The following ASNS variants were observed in gnomAD, a reference collection of about 807,000 sequenced individuals.
ASNS encodes asparagine synthetase (glutamine-hydrolyzing).
A neutral mutation model predicts 62.6 loss-of-function variants in ASNS; 37 were observed. The ratio of observed to expected loss-of-function variants is 0.59; its 90% CI spans 0.45 to 0.78. ASNS has a LOEUF of 0.78. Ranked by LOEUF, ASNS falls within the 30% of genes least tolerant of loss-of-function variation. The probability of loss-of-function intolerance (pLI) is 0.00; values close to 1 mark genes in which losing one functional copy is unlikely to be tolerated. For missense variants in ASNS, 520 were observed against 682.4 expected (o/e 0.76, Z 2.65); for synonymous variants, 207 against 237.9 (o/e 0.87, Z 1.19).
intron 4 of ASNS, among the ~76,000 whole-genome samples, chr7:97,862,339 GA>G (rs1396096024): frequency 6.6e-6 from 1 of 152,150 alleles, no homozygotes; most frequent in Non-Finnish European, 1.5e-5. Flanking sequence ...ACTGCTAGGT[GA>G]AAGAAGCCAG....
chr7:97,882,435 C>G, the ASNS span, among the ~76,000 whole-genome samples: 1 of 151,924 alleles, frequency 6.6e-6, no homozygotes, highest in African/African-American at 2.4e-5. Context: ...GTAAGCCCAG[C>G]TACTCGGGAG....
chr7:97,869,060 G>A lies in ASNS; in HGVS notation c.97C>T (p.Arg33Cys), dbSNP rs759224338. The A allele has an allele frequency of 4.3e-6, 7 of 1,614,162 alleles. No homozygotes were observed. Among genetic ancestry groups the A allele is most frequent in the South Asian group, 2.2e-5 (2 of 91,082 alleles). The part of the protein sequence containing the change: ...KIAHRGPDAF[R>C]FENVNGYTNC... ...GTGTATCCATTGACATTCTCAAAAC[G>A]GAATGCATCTGGACCTCTGTGTGCA... Residue 33 changes from arginine (R) to cysteine (C), a missense_variant, in exon 3 of 13, where the codon CGT becomes TGT. Coordinates refer to ENST00000394308, the MANE Select transcript of ASNS (RefSeq NM_001673.5).
chr7:97,856,941 A>G, intron 7 of ASNS, 125 bp from the exon 8 acceptor site: 1 of 1,062,550 alleles, frequency 9.4e-7, no homozygotes, highest in Non-Finnish European at 1.4e-6. Context: ...AGGGAAAAAA[A>G]GAAAAATGAC....
the ASNS span, among the ~76,000 whole-genome samples, chr7:97,920,660 G>A: frequency 6.6e-6 from 1 of 152,256 alleles, no homozygotes; most frequent in Admixed American, 6.5e-5. Flanking sequence ...CTGGCAGTCA[G>A]GAGGACTGTC....
At chr7:97,910,386 C>T in the ASNS span, among the ~76,000 whole-genome samples, 1 of 152,204 alleles carries the variant, frequency 6.6e-6, no homozygotes, top group Non-Finnish European at 1.5e-5. Flanking sequence ...TCCCAGGCAT[C>T]ATGAGGACAC....
At chr7:97,901,765 G>T in the ASNS span, among the ~76,000 whole-genome samples, 1 of 151,910 alleles carries the variant, frequency 6.6e-6, no homozygotes, top group South Asian at 2.1e-4. Context: ...ATCACTTGAG[G>T]CCAGGAGTTT....
the ASNS span, among the ~76,000 whole-genome samples, chr7:97,911,125 C>T: frequency 6.6e-6 from 1 of 152,022 alleles, no homozygotes; most frequent in Non-Finnish European, 1.5e-5. Context: ...TAAAAACTGC[C>T]CTCATGTTTT....
chr7:97,886,442 T>C, the ASNS span, among the ~76,000 whole-genome samples: 1 of 152,126 alleles, frequency 6.6e-6, no homozygotes, highest in East Asian at 1.9e-4. Context: ...CCACTGCGCC[T>C]GGCCTATATG....
At chr7:97,918,459 C>T in the ASNS span, among the ~76,000 whole-genome samples, 3 of 152,150 alleles carry the variant, frequency 2.0e-5, no homozygotes, top group South Asian at 2.1e-4. Flanking sequence ...GCTGGTTAAA[C>T]GAAGCGTGGT....
At chr7:97,870,041 C>T (rs1792177677) in intron 1 of ASNS, 1 of 256,268 alleles carries the variant, frequency 3.9e-6, no homozygotes, top group Non-Finnish European at 7.4e-6. Context: ...TAGCTCATCC[C>T]TATAAGCCCG....
upstream of ASNS, among the ~76,000 whole-genome samples, chr7:97,873,383 T>C (rs1792366810): frequency 6.6e-6 from 1 of 152,210 alleles, no homozygotes; most frequent in South Asian, 2.1e-4. Context: ...GCATGCAGGT[T>C]TGATATCCCC....
the ASNS span, among the ~76,000 whole-genome samples, chr7:97,911,865 G>A: frequency 6.6e-6 from 1 of 152,058 alleles, no homozygotes; most frequent in African/African-American, 2.4e-5. Context: ...TGGAAGATGA[G>A]TCATGCCTTC....
chr7:97,855,316 A>C (rs1463852097), intron 9 of ASNS, 37 bp downstream of exon 9: 1 of 1,376,754 alleles, frequency 7.3e-7, no homozygotes, highest in Non-Finnish European at 1.0e-6. Context: ...ACTTTTCTTA[A>C]TATAGCATGA....
Position 97,859,258 on chromosome 7 carries a change from C to A in ASNS, c.628G>T (p.Val210Leu). 6.2e-7 allele frequency: 1 copy of A among 1,614,048 alleles called. No homozygotes were observed. The highest frequency in any genetic ancestry group is 8.5e-7 in the Non-Finnish European group (1 of 1,179,976). ...EMVKYHHCRD[V>L]PLHALYDNVE... is the part of the protein sequence containing the mutation. ...TTGTCATAGAGGGCGTGCAGGGGTA[C>A]ATCCCGACAGTGATGATATTTAACC... is the stretch of plus-strand genomic sequence containing the variant. The change falls in exon 5 of 13, where the codon GTA becomes TTA. Residue 210 changes from valine (V) to leucine (L), a missense_variant. Coordinates refer to ENST00000394308, the MANE Select transcript of ASNS (RefSeq NM_001673.5).
chr7:97,926,711 C>T, the ASNS span, among the ~76,000 whole-genome samples: 44 of 152,182 alleles, frequency 2.9e-4, no homozygotes, highest in Non-Finnish European at 5.6e-4. Flanking sequence ...TATTCAGATT[C>T]AGGAAACAAG....
the ASNS span, among the ~76,000 whole-genome samples, chr7:97,904,284 T>TCACACACACACACACACA: frequency 2.2e-5 from 3 of 135,214 alleles, no homozygotes; most frequent in East Asian, 6.3e-4. Context: ...ACTACCAGTT[T>TCACACACACACACACACA]CACACACACA....
the ASNS span, among the ~76,000 whole-genome samples, chr7:97,926,094 A>T: frequency 2.9e-5 from 4 of 137,380 alleles, no homozygotes; most frequent in Non-Finnish European, 4.6e-5. Flanking sequence ...CTGCAGCAGG[A>T]CTTGGCACTC....
At chr7:97,914,566 T>C in the ASNS span, among the ~76,000 whole-genome samples, 16 of 152,272 alleles carry the variant, frequency 1.1e-4, no homozygotes, top group East Asian at 3.1e-3. Context: ...CTCCATCACA[T>C]TGAGGATGCT....
chr7:97,908,613 G>C, the ASNS span, among the ~76,000 whole-genome samples: 1 of 152,080 alleles, frequency 6.6e-6, no homozygotes, highest in Non-Finnish European at 1.5e-5. Context: ...TGTTGGCCAG[G>C]CTGGTCTTGA....
Sources: allele counts gnomAD v4.1 joint callset (sites outside exome capture counted in the v4.1 genomes callset), GRCh38; gene constraint gnomAD v4.1.1; transcripts MANE v1.5; gene names NCBI Gene and HGNC (gene_info 2026-07-23, HGNC 2026-07-21).